MAP4K3: variants seen among roughly 807,000 people sequenced by gnomAD.
The protein encoded by MAP4K3 is mitogen-activated protein kinase kinase kinase kinase 3.
Under a neutral mutation model 143.5 loss-of-function variants are expected in MAP4K3, and 94 were observed. That is an observed-to-expected ratio of 0.65 (90% CI 0.55 to 0.78). The LOEUF (loss-of-function observed/expected upper bound fraction) is 0.78. MAP4K3 is among the 30% of genes least tolerant of loss of function. The pLI is 0.00. For missense variants in MAP4K3, 1,077 were observed against 1,068.1 expected (o/e 1.01, Z -0.12); for synonymous variants, 416 against 347.2 (o/e 1.20, Z -2.20).
chr2:39,408,151 C>T (rs373704881), intron 1 of MAP4K3, among the ~76,000 whole-genome samples: 60 of 152,182 alleles, frequency 3.9e-4, no homozygotes, highest in African/African-American at 1.3e-3. Context: ...TAAAAAAAAC[C>T]ATCTAGATAA....
In MAP4K3 at chr2:39,269,492, G is replaced by A. The variant is rs1420950556; in HGVS notation, c.1974-2245C>T. On this transcript the variant is annotated intron_variant, in intron 26 of 33. Coordinates refer to ENST00000263881, the MANE Select transcript of MAP4K3 (RefSeq NM_003618.4). ...GGTCTTTTTTTTTTTTTTTTTTTTT[G>A]GAGACAGGGTCTCACTCTGTTGCCC... Among the ~76,000 whole-genome samples, 4 of 13,388 alleles carry A rather than the reference G, an allele frequency of 3.0e-4. No homozygotes were observed. The East Asian group carries it at 7.1e-3, about 24-fold the overall frequency. The allele number at this position is 13,388 out of a possible 152,430, so 8.8% of individuals were successfully genotyped here.
chr2:39,410,293 A>G (rs1324604414), intron 1 of MAP4K3, among the ~76,000 whole-genome samples: 2 of 152,226 alleles, frequency 1.3e-5, no homozygotes, highest in Non-Finnish European at 2.9e-5. Context: ...ACAAATAGCC[A>G]CAATCAAGAA....
chr2:39,385,462 C>G (rs912082805), intron 1 of MAP4K3, among the ~76,000 whole-genome samples: 3 of 150,280 alleles, frequency 2.0e-5, no homozygotes, highest in Non-Finnish European at 4.4e-5. Flanking sequence ...CATGTGCTTA[C>G]CTGCCATCCT....
chr2:39,318,217 A>AG (rs1447911412), intron 12 of MAP4K3, among the ~76,000 whole-genome samples: 3 of 152,054 alleles, frequency 2.0e-5, no homozygotes, highest in Non-Finnish European at 2.9e-5. Flanking sequence ...GATACAAAGA[A>AG]GGGAACAATA....
chr2:39,372,956 A>G (rs1409301907), intron 2 of MAP4K3, among the ~76,000 whole-genome samples: 3 of 152,218 alleles, frequency 2.0e-5, no homozygotes, highest in Admixed American at 2.0e-4. Flanking sequence ...ATCAAATTAA[A>G]AAGCTTCTGC....
intron 1 of MAP4K3, among the ~76,000 whole-genome samples, chr2:39,427,691 T>A (rs1665137723): frequency 6.6e-6 from 1 of 152,068 alleles, no homozygotes; most frequent in African/African-American, 2.4e-5. Context: ...AACTTCTAAA[T>A]CAATAGAGAT....
intron 1 of MAP4K3, 138 bp downstream of exon 1, chr2:39,436,754 T>C: frequency 1.4e-6 from 1 of 694,602 alleles, no homozygotes. Context: ...GCAGAGCCCT[T>C]GGCGTCCGCA....
intron 2 of MAP4K3, among the ~76,000 whole-genome samples, chr2:39,361,773 A>G (rs1665778337): frequency 6.6e-6 from 1 of 151,682 alleles, no homozygotes; most frequent in African/African-American, 2.4e-5. Flanking sequence ...CTCTGTTGTT[A>G]GTTTTCATGT....
At chr2:39,365,766 T>C (rs1665906036) in intron 2 of MAP4K3, among the ~76,000 whole-genome samples, 1 of 152,198 alleles carries the variant, frequency 6.6e-6, no homozygotes, top group Admixed American at 6.5e-5. Context: ...TAAAATGTCC[T>C]ATAGCCAAGA....
rs956371505 is a variant in MAP4K3 at position 39,401,118 on chromosome 2, C to G, written c.97-22995G>C. On this transcript the variant is annotated intron_variant, in intron 1 of 33. Coordinates refer to ENST00000263881, the MANE Select transcript of MAP4K3 (RefSeq NM_003618.4). ...ACCCAGATGGAGCCTGATGGTCACC[C>G]TAAGTTGAGATGATGAAGCTAAGAA... Among the ~76,000 whole-genome samples, 6 of 152,134 alleles carry G rather than the reference C, an allele frequency of 3.9e-5. No individual in the cohort carries two copies. The East Asian group carries it at 1.2e-3, about 29-fold the overall frequency.
At chr2:39,362,707 T>C (rs1474272787) in intron 2 of MAP4K3, among the ~76,000 whole-genome samples, 4 of 152,112 alleles carry the variant, frequency 2.6e-5, no homozygotes, top group South Asian at 2.1e-4. Context: ...TCCTAAAATT[T>C]AGATAGAACC....
At chr2:39,394,641 C>G (rs1275787956) in intron 1 of MAP4K3, among the ~76,000 whole-genome samples, 1 of 152,078 alleles carries the variant, frequency 6.6e-6, no homozygotes, top group Non-Finnish European at 1.5e-5. Flanking sequence ...AGTATCAAAA[C>G]AGCATATTCA....
Position 39,265,188 on chromosome 2 carries a change from G to C in MAP4K3, c.2136+15C>G. The C allele has an allele frequency of 6.8e-7, 1 of 1,478,070 alleles. No homozygotes were observed. Among genetic ancestry groups the C allele is most frequent in the Non-Finnish European group, 9.4e-7 (1 of 1,058,878 alleles). 91.6% of individuals were successfully genotyped at this position (1,478,070 alleles called of 1,614,324 possible). On this transcript the variant is annotated intron_variant, in intron 28 of 33. Coordinates refer to ENST00000263881, the MANE Select transcript of MAP4K3 (RefSeq NM_003618.4). Reference sequence around the variant, plus strand: ...TTTTATAGTAAGAATAAGATAGTCTGACTTTTATGCTTACCTTAATTAACA... The same window carrying C: ...TTTTATAGTAAGAATAAGATAGTCTCACTTTTATGCTTACCTTAATTAACA...
intron 2 of MAP4K3, among the ~76,000 whole-genome samples, chr2:39,358,185 C>G (rs1181632312): frequency 2.0e-5 from 3 of 152,194 alleles, no homozygotes; most frequent in Non-Finnish European, 2.9e-5. Flanking sequence ...TTACAGATAA[C>G]TATAAGCATC....
chr2:39,250,722 A>T lies in MAP4K3; in HGVS notation c.2598-17T>A. On this transcript the variant is annotated splice_polypyrimidine_tract_variant and intron_variant, in intron 33 of 33. Transcript: ENST00000263881. ...ACCACGACCCTGAAAGTAATAAAAA[A>T]CATATAACAAAACAAAGTTATTCCT... The T allele has an allele frequency of 6.2e-7, 1 of 1,604,586 alleles. No individual in the cohort carries two copies. Among genetic ancestry groups the T allele is most frequent in the South Asian group, 1.1e-5 (1 of 90,188 alleles).
chr2:39,379,037 A>G (rs539234131), intron 1 of MAP4K3, among the ~76,000 whole-genome samples: 1 of 152,070 alleles, frequency 6.6e-6, no homozygotes, highest in African/African-American at 2.4e-5. Context: ...CATACCACCA[A>G]TGAAGAACAA....
At chr2:39,266,666 A>C (rs1680779719) in intron 27 of MAP4K3, among the ~76,000 whole-genome samples, 1 of 152,136 alleles carries the variant, frequency 6.6e-6, no homozygotes, top group African/African-American at 2.4e-5. Flanking sequence ...ATAATGACTC[A>C]TGTGTTTATC....
intron 2 of MAP4K3, among the ~76,000 whole-genome samples, chr2:39,369,202 T>TG (rs1263588246): frequency 6.0e-5 from 5 of 82,798 alleles, no homozygotes; most frequent in African/African-American, 2.1e-4. Context: ...AGTTTTTTTT[T>TG]TTGTTTTTTT....
At chr2:39,404,491 C>A (rs1179456694) in intron 1 of MAP4K3, among the ~76,000 whole-genome samples, 1 of 151,902 alleles carries the variant, frequency 6.6e-6, no homozygotes, top group Non-Finnish European at 1.5e-5. Context: ...TGAGGCTCCT[C>A]TGCCTGTGGA....
Sources: allele counts gnomAD v4.1 joint callset (sites outside exome capture counted in the v4.1 genomes callset), GRCh38; gene constraint gnomAD v4.1.1; transcripts MANE v1.5; gene names NCBI Gene and HGNC (gene_info 2026-07-23, HGNC 2026-07-21).